CFAP54: variants seen among roughly 807,000 people sequenced by gnomAD.
The protein encoded by CFAP54 is cilia and flagella associated protein 54.
A neutral mutation model predicts 370.4 loss-of-function variants in CFAP54; 290 were observed. The observed-to-expected ratio is 0.78, with a 90% CI of 0.71 to 0.86. The LOEUF is 0.86. Among genes scored for constraint, CFAP54 ranks in the 40% least tolerant of loss-of-function variants. The probability of loss-of-function intolerance (pLI) is 0.00; values close to 1 mark genes in which losing one functional copy is unlikely to be tolerated. For synonymous variants in CFAP54, 1,206 were observed against 1,236.5 expected (o/e 0.98, Z 0.52); for missense variants, 3,399 against 3,528.7 (o/e 0.96, Z 0.93).
chr12:96,759,507 A>G (rs1958310704), intron 58 of CFAP54, among the ~76,000 whole-genome samples: 1 of 152,238 alleles, frequency 6.6e-6, no homozygotes, highest in African/African-American at 2.4e-5. Flanking sequence ...TTAGCAAGTC[A>G]TAGAATTATT....
chr12:96,852,627 G>A (rs967443019), intron 66 of CFAP54, among the ~76,000 whole-genome samples: 8 of 152,054 alleles, frequency 5.3e-5, no homozygotes, highest in Admixed American at 5.2e-4. Flanking sequence ...TAAATAGGAT[G>A]CACTTTTGAA....
chr12:96,757,441 C>A, intron 57 of CFAP54, 54 bp from the exon 58 acceptor site: 1 of 1,011,666 alleles, frequency 9.9e-7, no homozygotes, highest in Non-Finnish European at 1.4e-6. Flanking sequence ...CAAATGATAC[C>A]AATGATTATG....
intron 14 of CFAP54, among the ~76,000 whole-genome samples, chr12:96,541,695 A>G (rs1256295046): frequency 6.6e-6 from 1 of 152,134 alleles, no homozygotes; most frequent in East Asian, 1.9e-4. Context: ...CTTGGCACCC[A>G]CCAAATCATC....
At chr12:96,845,920 T>C (rs1452549659) in intron 66 of CFAP54, among the ~76,000 whole-genome samples, 1 of 152,176 alleles carries the variant, frequency 6.6e-6, no homozygotes, top group Non-Finnish European at 1.5e-5. Context: ...CATACACGTG[T>C]CACCCACTTA....
chr12:96,700,157 A>G (rs528031837), intron 46 of CFAP54, 64 bp downstream of exon 46: 2 of 1,487,106 alleles, frequency 1.3e-6, no homozygotes, highest in Admixed American at 2.1e-5. Flanking sequence ...CTAAAATGTA[A>G]GGAACATTCC....
At chr12:96,861,772 C>T (rs1289902716) in intron 67 of CFAP54, among the ~76,000 whole-genome samples, 1 of 152,154 alleles carries the variant, frequency 6.6e-6, no homozygotes, top group African/African-American at 2.4e-5. Flanking sequence ...AGGTGCTTAG[C>T]ACAATGCCTG....
chr12:96,844,676 T>C (rs902514497), intron 66 of CFAP54, among the ~76,000 whole-genome samples: 1 of 152,240 alleles, frequency 6.6e-6, no homozygotes, highest in Non-Finnish European at 1.5e-5. Context: ...ATCCTTTTTT[T>C]ACATGTGAGA....
intron 32 of CFAP54, among the ~76,000 whole-genome samples, chr12:96,635,967 C>T (rs1956660486): frequency 6.6e-6 from 1 of 152,168 alleles, no homozygotes; most frequent in Non-Finnish European, 1.5e-5. Flanking sequence ...TTTTCATAAC[C>T]TGGCTTGCAG....
At chr12:96,580,888 A>G (rs1356129735) in intron 21 of CFAP54, 32 bp from the exon 22 acceptor site, 24 of 1,363,704 alleles carry the variant, frequency 1.8e-5, no homozygotes, top group African/African-American at 3.0e-5. Context: ...TTAATTTTTC[A>G]TGTATAACTT....
At chr12:96,708,398 A>G (rs927768339) in intron 47 of CFAP54, among the ~76,000 whole-genome samples, 7 of 152,076 alleles carry the variant, frequency 4.6e-5, no homozygotes, top group Non-Finnish European at 1.0e-4. Flanking sequence ...CAGGTTAGAA[A>G]TTGGTGGGGA....
rs942279378 is a variant in CFAP54 at position 96,527,258 on chromosome 12, C to T, written c.1171C>T (p.Arg391Ter). ...TTCTCAATTTCAGTTATCATGGCCA[C>T]GAACTGTCACAGAGCGGCTACTGGA... ...LREVQTLSWP[R>*]TVTERLLDEM... The change falls in exon 9 of 68, where the codon CGA (arginine) becomes TGA (stop). Residue 391 changes from arginine to a stop codon, truncating the protein, a stop_gained. Transcript: ENST00000524981. LOFTEE classifies it high-confidence loss of function. 4.0e-5 allele frequency: 60 copies of T among 1,511,786 alleles called. No individual in the cohort carries two copies. Among genetic ancestry groups the T allele is most frequent in the Non-Finnish European group, 4.8e-5 (54 of 1,136,446 alleles). The allele number at this position is 1,511,786 out of a possible 1,614,324, so 93.6% of individuals were successfully genotyped here.
intron 64 of CFAP54, among the ~76,000 whole-genome samples, chr12:96,814,026 A>G (rs1958952474): frequency 6.6e-6 from 1 of 152,062 alleles, no homozygotes; most frequent in African/African-American, 2.4e-5. Flanking sequence ...TTGCATGAGG[A>G]CTCAGCCTGC....
At chr12:96,624,333 G>T (rs558559617) in intron 28 of CFAP54, among the ~76,000 whole-genome samples, 1 of 152,186 alleles carries the variant, frequency 6.6e-6, no homozygotes, top group South Asian at 2.1e-4. Flanking sequence ...GGGGGTTATG[G>T]GTGGCACAAA....
Position 96,650,056 on chromosome 12 carries a change from A to G in CFAP54, c.4856A>G (p.Tyr1619Cys), listed in dbSNP as rs769781219. ...VMDHFMKIFL[Y>C]CRRAMVLAHR... The stretch of plus-strand genomic sequence containing the variant: ...GATCATTTTATGAAAATCTTTTTAT[A>G]CTGCAGGAGAGCAATGGTAATGCAA... Residue 1619 changes from tyrosine (Y) to cysteine (C), a missense_variant, in exon 35 of 68, where the codon TAC becomes TGC. Coordinates refer to ENST00000524981, the MANE Select transcript of CFAP54 (RefSeq NM_001306084.2). The G allele has an allele frequency of 3.1e-6, 5 of 1,610,594 alleles. No individual in the cohort carries two copies. The highest frequency in any genetic ancestry group is 4.2e-6 in the Non-Finnish European group (5 of 1,178,904).
chr12:96,739,958 C>T lies in CFAP54; in HGVS notation c.6968C>T (p.Ala2323Val), dbSNP rs1216357039. ...TTAAAATATATTTTCTATTTTAGTG[C>T]TGCAATAGTATTTTCTACACTTACA... ...ALQRHRAAYS[A>V]AIVFSTLTLL... is the part of the protein sequence containing the mutation. Residue 2323 changes from alanine to valine, a missense_variant and splice_region_variant, in exon 51 of 68, where the codon GCT becomes GTT. By Grantham distance (64) the Ala-to-Val change is moderately conservative. Transcript: ENST00000524981. 6 of 1,493,560 alleles carry T rather than the reference C, an allele frequency of 4.0e-6. No individual in the cohort carries two copies. The highest frequency in any genetic ancestry group is 2.8e-5 in the African/African-American group (2 of 71,816). 92.5% of individuals were successfully genotyped at this position (1,493,560 alleles called of 1,614,324 possible).
chr12:96,676,011 A>C (rs543768166), intron 39 of CFAP54, among the ~76,000 whole-genome samples: 3 of 152,220 alleles, frequency 2.0e-5, no homozygotes, highest in South Asian at 2.1e-4. Flanking sequence ...TGGGTGCAGC[A>C]CACCACCATG....
Position 96,860,933 on chromosome 12 carries a change from C to T in CFAP54, c.9286C>T (p.Pro3096Ser), listed in dbSNP as rs1352392664. Reference sequence around the variant, plus strand: ...TTTCAACTGGATAGTGTCAATTATTCCCTGAATATCCTATACACGGTAACC... The same window carrying T: ...TTTCAACTGGATAGTGTCAATTATTTCCTGAATATCCTATACACGGTAACC... ...SLFNWIVSII[P>S] The change falls in exon 67 of 68, where the codon CCC becomes TCC. Residue 3096 changes from proline (P) to serine (S), a missense_variant. Pro to Ser is a moderately conservative substitution (Grantham distance 74, BLOSUM62 -1). This residue lies in a region of CFAP54 where 2,796 missense variants were observed against 2,869.7 expected (regional missense o/e 0.97). Transcript: ENST00000524981. The T allele has an allele frequency of 1.5e-5, 23 of 1,532,860 alleles. No homozygotes were observed. Among genetic ancestry groups the T allele is most frequent in the Admixed American group, 2.0e-5 (1 of 50,576 alleles). The allele number at this position is 1,532,860 out of a possible 1,614,324, so 95.0% of individuals were successfully genotyped here.
intron 66 of CFAP54, among the ~76,000 whole-genome samples, chr12:96,832,214 G>A (rs988831425): frequency 1.4e-4 from 21 of 151,596 alleles, no homozygotes; most frequent in Non-Finnish European, 2.6e-4. Flanking sequence ...CTTCCACCAT[G>A]ATTGTGAGGC....
Position 96,527,397 on chromosome 12 carries a change from A to C in CFAP54, c.1310A>C (p.His437Pro), listed in dbSNP as rs989399065. 1 of 1,531,974 alleles carries C rather than the reference A, an allele frequency of 6.5e-7. No individual in the cohort carries two copies. Among genetic ancestry groups the C allele is most frequent in the South Asian group, 1.2e-5 (1 of 83,204 alleles). 94.9% of individuals were successfully genotyped at this position (1,531,974 alleles called of 1,614,324 possible). ...GPIVTDEVEI[H>P]DVVSELFMAG... ...ATTGTTACAGATGAAGTGGAGATTC[A>C]TGATGTTGTCTCAGAATTGTTTATG... The change falls in exon 9 of 68, where the codon CAT becomes CCT. Residue 437 changes from histidine (H) to proline (P), a missense_variant. Physicochemically the swap from His to Pro is moderately conservative, Grantham distance 77. Coordinates refer to ENST00000524981, the MANE Select transcript of CFAP54 (RefSeq NM_001306084.2).
Sources: allele counts gnomAD v4.1 joint callset (sites outside exome capture counted in the v4.1 genomes callset), GRCh38; gene constraint gnomAD v4.1.1; regional missense constraint gnomAD v4.1.1; transcripts MANE v1.5; gene names NCBI Gene and HGNC (gene_info 2026-07-23, HGNC 2026-07-21).